The following MKRN2OS variants were observed in gnomAD, a reference collection of about 807,000 sequenced individuals.
MKRN2OS encodes the protein MKRN2 opposite strand.
MKRN2OS carries 17 observed loss-of-function variants against 18.2 expected under a neutral mutation model. That is an observed-to-expected ratio of 0.93 (90% confidence interval 0.64 to 1.40). MKRN2OS has a LOEUF of 1.40. MKRN2OS is among the 40% of genes most tolerant of loss of function. MKRN2OS has a pLI of 0.00. For synonymous variants in MKRN2OS, 121 were observed against 108.5 expected (o/e 1.12, Z -0.72); for missense variants, 337 against 283.0 (o/e 1.19, Z -1.37).
At position 12,539,931 on chromosome 3, in the gene MKRN2OS, A is replaced by G. The variant is rs1032023313; in HGVS notation, c.*262T>C. On this transcript the variant is annotated 3_prime_UTR_variant, in exon 4 of 4. Transcript: ENST00000564146. The stretch of plus-strand genomic sequence containing the variant: ...CTCCCTAGTAGTTGGGATTACAGGC[A>G]TGCGCCACCATGCCCAGCTAATTTT... 3.1e-4 allele frequency: 131 copies of G among 424,088 alleles called. No individual in the cohort carries two copies. Among genetic ancestry groups the G allele is most frequent in the Non-Finnish European group, 3.9e-4 (88 of 228,106 alleles). The allele number at this position is 424,088 out of a possible 1,614,324, so 26.3% of individuals were successfully genotyped here.
chr3:12,551,353 G>A (rs1211760520), downstream of MKRN2OS, among the ~76,000 whole-genome samples: 1 of 151,780 alleles, frequency 6.6e-6, no homozygotes, highest in African/African-American at 2.4e-5. Context: ...AATTAGCCCG[G>A]GTGTGATGGT....
intron 1 of MKRN2OS, among the ~76,000 whole-genome samples, chr3:12,554,764 A>C (rs918091045): frequency 6.6e-6 from 1 of 152,156 alleles, no homozygotes; most frequent in African/African-American, 2.4e-5. Context: ...TTTTCTACAA[A>C]AAGGAGAAAA....
chr3:12,551,715 C>A (rs1179086988), downstream of MKRN2OS, among the ~76,000 whole-genome samples: 1 of 151,840 alleles, frequency 6.6e-6, no homozygotes, highest in Non-Finnish European at 1.5e-5. Flanking sequence ...TTGGGCAGAT[C>A]ACCTGAGGTC....
At chr3:12,557,120 G>C (rs376966478) in intron 1 of MKRN2OS, 11 of 1,493,844 alleles carry the variant, frequency 7.4e-6, no homozygotes, top group Middle Eastern at 1.7e-4. Flanking sequence ...GAGAGGCGGC[G>C]GCACGACGAC....
rs1248304837 is a variant in MKRN2OS, at chr3:12,541,997, A to G, written c.294T>C (p.His98=). ...TNGVVYNYSA[H]GVQRDGEGWE... is the part of the protein sequence containing the mutation. Reference sequence around the variant, plus strand: ...ACCCTTCTCCGTCTCGCTGGACACCATGTGCACTGTAATTATACACAACCC... The same window carrying G: ...ACCCTTCTCCGTCTCGCTGGACACCGTGTGCACTGTAATTATACACAACCC... The change falls in exon 3 of 4, where the codon CAT becomes CAC. Residue 98 remains histidine (H), a synonymous_variant. Coordinates refer to ENST00000564146, the MANE Select transcript of MKRN2OS (RefSeq NM_001195279.2). 6 of 1,535,810 alleles carry G rather than the reference A, an allele frequency of 3.9e-6. No homozygotes were observed. The highest frequency in any genetic ancestry group is 5.2e-6 in the Non-Finnish European group (6 of 1,146,830).
downstream of MKRN2OS, among the ~76,000 whole-genome samples, chr3:12,553,108 A>T (rs1307868127): frequency 6.6e-6 from 1 of 152,134 alleles, no homozygotes; most frequent in Non-Finnish European, 1.5e-5. Context: ...TTAAGGGAAA[A>T]ATTAATACCC....
intron 1 of MKRN2OS, among the ~76,000 whole-genome samples, chr3:12,557,712 G>GCT (rs1322746412): frequency 6.6e-6 from 1 of 152,226 alleles, no homozygotes; most frequent in East Asian, 1.9e-4. Context: ...TATCGGCGAA[G>GCT]CGCCCTGCAT....
chr3:12,542,325 C>T (rs1421249669), intron 2 of MKRN2OS, among the ~76,000 whole-genome samples: 2 of 152,172 alleles, frequency 1.3e-5, no homozygotes, highest in African/African-American at 4.8e-5. Flanking sequence ...GCACCAGGAT[C>T]ATCATCTCCA....
At chr3:12,545,900 G>A (rs1198719989), upstream of MKRN2OS, among the ~76,000 whole-genome samples, 2 of 152,154 alleles carry the variant, frequency 1.3e-5, no homozygotes, top group African/African-American at 4.8e-5. Flanking sequence ...TCCACCCTCA[G>A]GTTCAAGTGA....
chr3:12,551,093 A>G (rs1055132179), downstream of MKRN2OS, among the ~76,000 whole-genome samples: 5 of 152,048 alleles, frequency 3.3e-5, no homozygotes, highest in Admixed American at 2.6e-4. Context: ...ACTTGGTTAC[A>G]TACCGCTTTC....
intron 1 of MKRN2OS, among the ~76,000 whole-genome samples, chr3:12,544,579 G>T (rs1275559526): frequency 6.6e-6 from 1 of 151,942 alleles, no homozygotes; most frequent in Non-Finnish European, 1.5e-5. Flanking sequence ...GGGAGCCTGA[G>T]GCAGGCTCCC....
chr3:12,560,478 TAA>T (rs10651248), intron 1 of MKRN2OS, among the ~76,000 whole-genome samples: 9,483 of 124,882 alleles, frequency 0.076, 419 homozygotes, highest in Admixed American at 0.18. Flanking sequence ...TAGGAAAATG[TAA>T]AAAAAAAAAA....
chr3:12,560,266 C>T (rs566776394), intron 1 of MKRN2OS, among the ~76,000 whole-genome samples: 12 of 152,214 alleles, frequency 7.9e-5, no homozygotes, highest in Admixed American at 7.2e-4. Flanking sequence ...GGCTCAGTGA[C>T]TTAAATAACT....
chr3:12,543,747 C>T (rs555286534), intron 1 of MKRN2OS, among the ~76,000 whole-genome samples: 5 of 151,926 alleles, frequency 3.3e-5, no homozygotes, highest in African/African-American at 1.2e-4. Flanking sequence ...CAAAAATTAG[C>T]TGGGCATGGT....
chr3:12,547,481 C>G (rs2057895187), upstream of MKRN2OS, among the ~76,000 whole-genome samples: 1 of 152,124 alleles, frequency 6.6e-6, no homozygotes, highest in African/African-American at 2.4e-5. Flanking sequence ...GAGGTCTTGG[C>G]TGCAGTGAGC....
At chr3:12,540,533 A>G in intron 3 of MKRN2OS, 100 bp from the exon 4 acceptor site, 2 of 1,389,746 alleles carry the variant, frequency 1.4e-6, no homozygotes, top group Non-Finnish European at 2.0e-6. Context: ...TGCCTCAGCA[A>G]GCAAGGCCCC....
intron 1 of MKRN2OS, among the ~76,000 whole-genome samples, chr3:12,556,133 C>G (rs2057968160): frequency 6.6e-6 from 1 of 152,084 alleles, no homozygotes; most frequent in Non-Finnish European, 1.5e-5. Flanking sequence ...ATGACATGAT[C>G]CGATTTATGT....
Position 12,555,537 on chromosome 3 carries a change from G to T in MKRN2OS, n.265-1403C>A, listed in dbSNP as rs548113275. ...TAGCAAAGTAAAAAAAGAACATACA[G>T]CTATACATACATAACATGGAAAGAT... On this transcript the variant is annotated intron_variant and non_coding_transcript_variant, in intron 1 of 1. Transcript: ENST00000447550. Among the ~76,000 whole-genome samples, 59 of 152,184 alleles carry T rather than the reference G, an allele frequency of 3.9e-4. 1 individual carries two copies. Among genetic ancestry groups the T allele is most frequent in the African/African-American group, 8.0e-4 (33 of 41,506 alleles).
intron 1 of MKRN2OS, among the ~76,000 whole-genome samples, chr3:12,559,436 G>C (rs1447791976): frequency 1.3e-5 from 2 of 151,702 alleles, no homozygotes; most frequent in Non-Finnish European, 2.9e-5. Flanking sequence ...GGTTTTGTTT[G>C]TTTTTTTGTT....
Sources: allele counts gnomAD v4.1 joint callset (sites outside exome capture counted in the v4.1 genomes callset), GRCh38; gene constraint gnomAD v4.1.1; transcripts MANE v1.5; gene names NCBI Gene and HGNC (gene_info 2026-07-23, HGNC 2026-07-21).